Variants in DMAC2L observed in about 807,000 individuals in gnomAD.
DMAC2L encodes distal membrane arm assembly component 2 like, also known as ATP synthase subunit s, mitochondrial.
A neutral mutation model predicts 22.5 loss-of-function variants in DMAC2L; 21 were observed. That is an observed-to-expected ratio of 0.93 (90% CI 0.66 to 1.34). DMAC2L has a LOEUF of 1.34. DMAC2L is among the 40% of genes most tolerant of loss of function. DMAC2L has a pLI of 0.00. For synonymous variants in DMAC2L, 86 were observed against 89.5 expected (o/e 0.96, Z 0.22); for missense variants, 239 against 246.5 (o/e 0.97, Z 0.20).
intron 2 of DMAC2L, chr14:50,321,254 G>A (rs934946849): frequency 8.1e-6 from 5 of 615,542 alleles, no homozygotes; most frequent in Non-Finnish European, 1.1e-5. Context: ...GGAACTTAAC[G>A]TTCTAGCCGG....
chr14:50,311,904 G>C, upstream of DMAC2L: 1 of 1,459,628 alleles, frequency 6.9e-7, no homozygotes, highest in Non-Finnish European at 9.2e-7. Flanking sequence ...ACCCCAACCT[G>C]CTCTCACCCC....
chr14:50,311,642 G>A (rs887044300), upstream of DMAC2L, among the ~76,000 whole-genome samples: 2 of 152,184 alleles, frequency 1.3e-5, no homozygotes, highest in Non-Finnish European at 2.9e-5. Context: ...ATATTTGATT[G>A]CTTATACTGT....
At chr14:50,321,030 T>C (rs1482319708) in intron 2 of DMAC2L, among the ~76,000 whole-genome samples, 1 of 152,204 alleles carries the variant, frequency 6.6e-6, no homozygotes, top group Non-Finnish European at 1.5e-5. Context: ...AGCCTTGTCA[T>C]AGGTAGATCT....
intron 3 of DMAC2L, among the ~76,000 whole-genome samples, chr14:50,322,104 T>C (rs1234103192): frequency 3.9e-5 from 6 of 152,206 alleles, no homozygotes; most frequent in African/African-American, 1.4e-4. Context: ...CTTAATGAGA[T>C]TAATTTGACC....
At chr14:50,314,028 C>T (rs1299812360) in intron 1 of DMAC2L, among the ~76,000 whole-genome samples, 1 of 152,116 alleles carries the variant, frequency 6.6e-6, no homozygotes, top group African/African-American at 2.4e-5. Context: ...TGAGATATAT[C>T]CAAACTGTTA....
chr14:50,322,798 T>C (rs1271120807), intron 4 of DMAC2L, 79 bp downstream of exon 4: 3 of 1,593,376 alleles, frequency 1.9e-6, no homozygotes, highest in Admixed American at 3.4e-5. Flanking sequence ...CTCACGATTA[T>C]AGTCATAGGT....
intron 1 of DMAC2L, chr14:50,313,053 C>T (rs1308407771): frequency 9.9e-6 from 16 of 1,612,432 alleles, no homozygotes; most frequent in African/African-American, 2.7e-5. Flanking sequence ...AGCGACTCAC[C>T]TGTGCAGGTC....
chr14:50,326,314 G>A lies in DMAC2L; in HGVS notation c.*591G>A, dbSNP rs575960805. 5 of 538,764 alleles carry A rather than the reference G, an allele frequency of 9.3e-6. No homozygotes were observed. Among genetic ancestry groups the A allele is most frequent in the Non-Finnish European group, 1.2e-5 (5 of 422,802 alleles). The allele number at this position is 538,764 out of a possible 1,614,324, so 33.4% of individuals were successfully genotyped here. Reference sequence around the variant, plus strand: ...ATATGTAAATCTATAGATATCTCTTGATGTAGATATTTAGAATCCTTTAAA... The same window carrying A: ...ATATGTAAATCTATAGATATCTCTTAATGTAGATATTTAGAATCCTTTAAA... On this transcript the variant is annotated 3_prime_UTR_variant, in exon 6 of 6. Transcript: ENST00000557421.
At chr14:50,322,183 C>T (rs559813656) in intron 3 of DMAC2L, among the ~76,000 whole-genome samples, 15 of 152,262 alleles carry the variant, frequency 9.9e-5, no homozygotes, top group South Asian at 8.3e-4. Flanking sequence ...TATAGTCATT[C>T]GTAGAATAGT....
intron 2 of DMAC2L, among the ~76,000 whole-genome samples, chr14:50,317,616 A>G (rs1017322424): frequency 1.2e-4 from 19 of 152,116 alleles, no homozygotes; most frequent in African/African-American, 4.1e-4. Flanking sequence ...TAAAAATACA[A>G]AAAATTAGCC....
intron 1 of DMAC2L, chr14:50,312,935 A>T: frequency 6.7e-7 from 1 of 1,490,056 alleles, no homozygotes; most frequent in Admixed American, 1.7e-5. Context: ...GGCACTGGGT[A>T]CCGGAAGAAC....
At chr14:50,321,458 TG>T (rs1566558713) in intron 2 of DMAC2L, 24 bp from the exon 3 acceptor site, 1 of 1,612,850 alleles carries the variant, frequency 6.2e-7, no homozygotes, top group Non-Finnish European at 8.5e-7. Flanking sequence ...GATGATCTAA[TG>T]TAAGTACTGT....
chr14:50,321,387 A>G (rs1192161099), intron 2 of DMAC2L, 96 bp from the exon 3 acceptor site: 1 of 1,447,788 alleles, frequency 6.9e-7, no homozygotes, highest in East Asian at 2.5e-5. Flanking sequence ...GTGAGTCATC[A>G]GCTTTATCAG....
chr14:50,324,186 G>A (rs1371532622), intron 5 of DMAC2L, 70 bp downstream of exon 5: 35 of 1,425,454 alleles, frequency 2.5e-5, no homozygotes, highest in Non-Finnish European at 3.2e-5. Context: ...TTAATTGACT[G>A]TGAGGGGTGG....
intron 2 of DMAC2L, chr14:50,319,402 T>A: frequency 6.8e-7 from 1 of 1,471,788 alleles, no homozygotes; most frequent in Non-Finnish European, 9.1e-7. Context: ...CAGGCATCTT[T>A]CTAGTCCTCT....
At chr14:50,312,139 C>T (rs2031265818), upstream of DMAC2L, 1 of 1,610,430 alleles carries the variant, frequency 6.2e-7, no homozygotes, top group Non-Finnish European at 8.5e-7. Flanking sequence ...AATAACGCAG[C>T]GCTGGCACCA....
At chr14:50,315,244 G>A (rs1331742455) in intron 2 of DMAC2L, among the ~76,000 whole-genome samples, 2 of 151,954 alleles carry the variant, frequency 1.3e-5, no homozygotes, top group Non-Finnish European at 2.9e-5. Context: ...GGGATTACAG[G>A]CATGAGCCAC....
intron 3 of DMAC2L, 84 bp from the exon 4 acceptor site, chr14:50,322,427 T>G: frequency 1.5e-6 from 2 of 1,353,866 alleles, no homozygotes; most frequent in South Asian, 1.6e-5. Flanking sequence ...ATTTGTTGCG[T>G]TCTGTATTAT....
chr14:50,313,641 T>A (rs2031474548), intron 1 of DMAC2L, among the ~76,000 whole-genome samples: 1 of 152,222 alleles, frequency 6.6e-6, no homozygotes, highest in African/African-American at 2.4e-5. Flanking sequence ...CTGTGTACCC[T>A]TTACCCAGTC....
Sources: allele counts gnomAD v4.1 joint callset (sites outside exome capture counted in the v4.1 genomes callset), GRCh38; gene constraint gnomAD v4.1.1; transcripts MANE v1.5; gene names NCBI Gene and HGNC (gene_info 2026-07-23, HGNC 2026-07-21).